The following STK32B variants were observed in gnomAD, a reference collection of about 807,000 sequenced individuals.
STK32B encodes the protein serine/threonine kinase 32B.
STK32B carries 43 observed loss-of-function variants against 52.6 expected under a neutral mutation model. The observed-to-expected ratio is 0.82, with a 90% CI of 0.64 to 1.05. The LOEUF (loss-of-function observed/expected upper bound fraction) is 1.05. Ranked by LOEUF, STK32B falls within the 50% of genes least tolerant of loss-of-function variation. STK32B has a pLI of 0.00. For missense variants in STK32B, 621 were observed against 534.6 expected (o/e 1.16, Z -1.59); for synonymous variants, 238 against 204.3 (o/e 1.17, Z -1.41).
chr4:5,251,102 T>A (rs559262411), intron 3 of STK32B, among the ~76,000 whole-genome samples: 1 of 152,320 alleles, frequency 6.6e-6, no homozygotes, highest in East Asian at 1.9e-4. Flanking sequence ...TTGCAATTGC[T>A]TTTGGCATCT....
intron 3 of STK32B, among the ~76,000 whole-genome samples, chr4:5,306,288 T>A (rs1170268718): frequency 6.6e-6 from 1 of 152,176 alleles, no homozygotes; most frequent in Admixed American, 6.6e-5. Context: ...ACCTTTCTAG[T>A]GCTGTCCGTG....
At chr4:5,211,677 G>A (rs1376215013) in intron 3 of STK32B, among the ~76,000 whole-genome samples, 1 of 152,182 alleles carries the variant, frequency 6.6e-6, no homozygotes, top group Admixed American at 6.5e-5. Flanking sequence ...AACTCACCAT[G>A]TGCAATGACC....
chr4:5,276,047 C>T (rs375543999), intron 3 of STK32B, among the ~76,000 whole-genome samples: 9 of 152,092 alleles, frequency 5.9e-5, no homozygotes, highest in African/African-American at 1.4e-4. Context: ...CCAGCACTTT[C>T]GGAGGCCGAG....
Position 5,188,649 on chromosome 4 carries a change from G to A in STK32B, c.260+20199G>A, listed in dbSNP as rs989639334. ...CTTGGCTGTCCCTAACCCACTTCCT[G>A]TGTGGCTACACTTTCACCTGGGAAC... On this transcript the variant is annotated intron_variant, in intron 3 of 11. Coordinates refer to ENST00000282908, the MANE Select transcript of STK32B (RefSeq NM_018401.3). Among the ~76,000 whole-genome samples the A allele has an allele frequency of 1.3e-5, 2 of 152,064 alleles. 1 individual carries two copies. Among genetic ancestry groups the A allele is most frequent in the South Asian group, 4.2e-4 (2 of 4,818 alleles).
chr4:5,437,205 A>G (rs1187674261), intron 6 of STK32B, among the ~76,000 whole-genome samples: 1 of 152,210 alleles, frequency 6.6e-6, no homozygotes, highest in Non-Finnish European at 1.5e-5. Flanking sequence ...CAAGTTCCTT[A>G]CCCCTTGTAT....
In STK32B at chr4:5,398,415, G is replaced by A. The variant is rs116799630; in HGVS notation, c.472+171G>A. On this transcript the variant is annotated intron_variant, in intron 5 of 11. Coordinates refer to ENST00000282908, the MANE Select transcript of STK32B (RefSeq NM_018401.3). This position sits in a 1 kb window ranked among gnomAD's most constrained non-coding sequence, Gnocchi z 4.9. ...ACATCTGTGTAAATTTCTGGTCCAT[G>A]TCCTGCCGTGGTAAGTTGAATCAAA... Among the ~76,000 whole-genome samples the A allele has an allele frequency of 5.6e-3, 856 of 152,290 alleles. 5 individuals are homozygous for A. Among genetic ancestry groups the A allele is most frequent in the Non-Finnish European group, 0.01 (687 of 68,030 alleles).
chr4:5,191,664 T>C (rs1469506236), intron 3 of STK32B, among the ~76,000 whole-genome samples: 4 of 152,156 alleles, frequency 2.6e-5, no homozygotes. Flanking sequence ...TCTCTCCTGC[T>C]CAGCGAGTCT....
intron 4 of STK32B, among the ~76,000 whole-genome samples, chr4:5,335,269 G>T (rs1399770158): frequency 6.6e-6 from 1 of 152,146 alleles, no homozygotes; most frequent in Non-Finnish European, 1.5e-5. Context: ...TTGCGTAGAG[G>T]TGTTTGTAGT....
Position 5,247,399 on chromosome 4 carries a change from A to G in STK32B, c.260+78949A>G, listed in dbSNP as rs181469995. Among the ~76,000 whole-genome samples the G allele has an allele frequency of 3.5e-3, 533 of 152,266 alleles. 4 individuals are homozygous for G. Among genetic ancestry groups the G allele is most frequent in the South Asian group, 0.016 (76 of 4,824 alleles). On this transcript the variant is annotated intron_variant, in intron 3 of 11. Transcript: ENST00000282908. ...TGTGCAGGATATAATCTCCTGGTGTACCGTTTGTTAAGCCTGTTGGAAGAG... is the reference window on the plus strand; with the variant it reads ...TGTGCAGGATATAATCTCCTGGTGTGCCGTTTGTTAAGCCTGTTGGAAGAG...
At chr4:5,364,852 C>A (rs559336725) in intron 4 of STK32B, among the ~76,000 whole-genome samples, 29 of 151,998 alleles carry the variant, frequency 1.9e-4, no homozygotes, top group Non-Finnish European at 3.4e-4. Flanking sequence ...ATTCTAGCAA[C>A]CCTGCCTGGA....
intron 5 of STK32B, among the ~76,000 whole-genome samples, chr4:5,407,651 G>A (rs113963292): frequency 6.6e-6 from 1 of 152,002 alleles, no homozygotes; most frequent in African/African-American, 2.4e-5. Flanking sequence ...GCAGGAGTTT[G>A]GGGGGTGGGG....
At chr4:5,091,595 T>C (rs755299457) in intron 1 of STK32B, among the ~76,000 whole-genome samples, 8 of 152,188 alleles carry the variant, frequency 5.3e-5, no homozygotes, top group Non-Finnish European at 1.2e-4. Flanking sequence ...TGTGGAAATA[T>C]TGGAATCCTT....
chr4:5,065,005 T>A (rs1315111501), intron 1 of STK32B, among the ~76,000 whole-genome samples: 3 of 151,734 alleles, frequency 2.0e-5, no homozygotes, highest in East Asian at 1.9e-4. Context: ...CTGTTCCTTC[T>A]CCTTCTTCTT....
At chr4:5,237,195 T>G (rs1261427907) in intron 3 of STK32B, among the ~76,000 whole-genome samples, 1 of 152,176 alleles carries the variant, frequency 6.6e-6, no homozygotes, top group Non-Finnish European at 1.5e-5. Context: ...GGCTGGGTCA[T>G]GCACCCATCC....
intron 3 of STK32B, among the ~76,000 whole-genome samples, chr4:5,265,426 A>G (rs1417572530): frequency 6.6e-6 from 1 of 152,220 alleles, no homozygotes; most frequent in Admixed American, 6.5e-5. Context: ...ACTTGGCTCA[A>G]ATATTGACTA....
At chr4:5,448,270 G>T (rs549534626) in intron 7 of STK32B, among the ~76,000 whole-genome samples, 1 of 152,140 alleles carries the variant, frequency 6.6e-6, no homozygotes, top group Admixed American at 6.5e-5. Flanking sequence ...TTAATGTCCC[G>T]CAGATTTACC....
chr4:5,317,311 C>CAT (rs199778975), intron 3 of STK32B, among the ~76,000 whole-genome samples: 1,804 of 23,998 alleles, frequency 0.075, 345 homozygotes, highest in African/African-American at 0.25. Context: ...TAATATATAA[C>CAT]ATATGTATAA....
intron 6 of STK32B, among the ~76,000 whole-genome samples, chr4:5,433,249 C>T (rs558252453): frequency 2.6e-5 from 4 of 152,232 alleles, no homozygotes; most frequent in South Asian, 2.1e-4. Context: ...AATACAAAGG[C>T]GGAAAGAGTC....
chr4:5,300,510 C>A (rs1729486291), intron 3 of STK32B, among the ~76,000 whole-genome samples: 1 of 152,128 alleles, frequency 6.6e-6, no homozygotes, highest in Non-Finnish European at 1.5e-5. Context: ...TTACAGACCA[C>A]ATTATTCTAC....
Sources: allele counts gnomAD v4.1 joint callset (sites outside exome capture counted in the v4.1 genomes callset), GRCh38; gene constraint gnomAD v4.1.1; non-coding constraint Gnocchi (gnomAD v3.1); transcripts MANE v1.5; gene names NCBI Gene and HGNC (gene_info 2026-07-23, HGNC 2026-07-21).